The following CFAP221 variants were observed in gnomAD, a reference collection of about 807,000 sequenced individuals.
The protein encoded by CFAP221 is cilia- and flagella-associated protein 221.
Under a neutral mutation model 113.1 loss-of-function variants are expected in CFAP221, and 97 were observed. The observed-to-expected ratio is 0.86, with a 90% CI of 0.73 to 1.02. CFAP221 has a LOEUF of 1.02. CFAP221 is among the 50% of genes least tolerant of loss of function. The pLI is 0.00. For missense variants in CFAP221, 1,025 were observed against 1,013.4 expected (o/e 1.01, Z -0.16); for synonymous variants, 331 against 354.4 (o/e 0.93, Z 0.74).
intron 7 of CFAP221, among the ~76,000 whole-genome samples, chr2:119,597,600 G>A (rs1450795255): frequency 6.6e-6 from 1 of 152,098 alleles, no homozygotes; most frequent in Non-Finnish European, 1.5e-5. Context: ...TTTGAACAAG[G>A]AATTGGACAA....
intron 21 of CFAP221, among the ~76,000 whole-genome samples, chr2:119,640,538 G>A (rs933669466): frequency 1.3e-5 from 2 of 152,198 alleles, no homozygotes; most frequent in African/African-American, 4.8e-5. Flanking sequence ...TGACTCCTGA[G>A]CCCTTGAATT....
chr2:119,627,828 A>T, intron 16 of CFAP221, 42 bp downstream of exon 16: 2 of 1,609,686 alleles, frequency 1.2e-6, no homozygotes, highest in Non-Finnish European at 8.5e-7. Flanking sequence ...GGACATGATC[A>T]TGATCGTGTT....
chr2:119,568,398 G>A (rs1316012020), intron 6 of CFAP221, among the ~76,000 whole-genome samples: 3 of 152,026 alleles, frequency 2.0e-5, no homozygotes, highest in Admixed American at 1.3e-4. Flanking sequence ...AGGTAAATGT[G>A]TGCCATGGTG....
intron 2 of CFAP221, 126 bp downstream of exon 2, chr2:119,546,396 T>G: frequency 9.0e-7 from 1 of 1,116,086 alleles, no homozygotes; most frequent in Non-Finnish European, 1.2e-6. Context: ...ATACTAATTT[T>G]TATTACTAAG....
chr2:119,599,143 G>A (rs962442105), intron 7 of CFAP221, among the ~76,000 whole-genome samples: 5 of 152,176 alleles, frequency 3.3e-5, no homozygotes, highest in African/African-American at 7.2e-5. Context: ...GGGTATCATT[G>A]AAAGAGTTTG....
At chr2:119,586,811 C>A in intron 6 of CFAP221, 1 of 222,670 alleles carries the variant, frequency 4.5e-6, no homozygotes, top group East Asian at 1.0e-4. Context: ...TATGGATACC[C>A]AGCACAATCG....
In CFAP221 at chr2:119,562,089, C is replaced by G. The variant is rs1681285937; in HGVS notation, c.502C>G (p.Leu168Val). 4.6e-6 allele frequency: 7 copies of G among 1,534,468 alleles called. No homozygotes were observed. The highest frequency in any genetic ancestry group is 5.2e-6 in the Non-Finnish European group (6 of 1,145,798). ...NSLDFPSFINLSNVLLGESKT... is the reference protein window; with the variant it reads ...NSLDFPSFINVSNVLLGESKT... ...ACTAGACTTTCCTTCATTTATAAATCTGTCAAATGTTCTACTTGGTGAAAG... is the reference window on the plus strand; with the variant it reads ...ACTAGACTTTCCTTCATTTATAAATGTGTCAAATGTTCTACTTGGTGAAAG... Residue 168 changes from leucine (L) to valine (V), a missense_variant, in exon 6 of 24, where the codon CTG becomes GTG. By Grantham distance (32) the Leu-to-Val change is conservative. Coordinates refer to ENST00000413369, the MANE Select transcript of CFAP221 (RefSeq NM_001271049.2).
intron 14 of CFAP221, among the ~76,000 whole-genome samples, chr2:119,620,253 A>G (rs910413291): frequency 5.9e-5 from 9 of 152,038 alleles, no homozygotes; most frequent in Non-Finnish European, 4.4e-5. Flanking sequence ...CCACAAAGAT[A>G]CTCCTCGAGA....
intron 14 of CFAP221, among the ~76,000 whole-genome samples, chr2:119,616,473 T>A (rs1685534023): frequency 6.6e-6 from 1 of 152,210 alleles, no homozygotes. Flanking sequence ...GCATCCAGGC[T>A]TAATGCATGC....
intron 6 of CFAP221, among the ~76,000 whole-genome samples, chr2:119,579,742 T>G (rs1184954271): frequency 1.3e-5 from 2 of 152,252 alleles, no homozygotes; most frequent in African/African-American, 4.8e-5. Flanking sequence ...TCTATGGGAC[T>G]TATCAGAGCT....
At position 119,549,072 on chromosome 2, in the gene CFAP221, A is replaced by G; in HGVS notation, c.140-13A>G. On this transcript the variant is annotated splice_polypyrimidine_tract_variant and intron_variant, in intron 2 of 23. Coordinates refer to ENST00000413369, the MANE Select transcript of CFAP221 (RefSeq NM_001271049.2). ...GATGTCTCATGATGTGCTTATCTAC[A>G]TTGTTTTTATAGAGGTTTATGCAAA... 1.3e-6 allele frequency: 2 copies of G among 1,484,498 alleles called. No homozygotes were observed. The highest frequency in any genetic ancestry group is 1.8e-6 in the Non-Finnish European group (2 of 1,113,714). The allele number at this position is 1,484,498 out of a possible 1,614,324, so 92.0% of individuals were successfully genotyped here.
chr2:119,638,462 AG>A, intron 20 of CFAP221, 45 bp downstream of exon 20: 2 of 1,606,240 alleles, frequency 1.2e-6, no homozygotes, highest in Non-Finnish European at 1.7e-6. Context: ...CCTGGGCTGC[AG>A]GGAGGGGCAG....
At chr2:119,565,080 T>C (rs927801361) in intron 6 of CFAP221, among the ~76,000 whole-genome samples, 2 of 152,208 alleles carry the variant, frequency 1.3e-5, no homozygotes, top group Non-Finnish European at 2.9e-5. Context: ...TTGGTGACTT[T>C]TACATTCTTA....
At chr2:119,585,367 A>G (rs933824141) in intron 6 of CFAP221, among the ~76,000 whole-genome samples, 2 of 152,202 alleles carry the variant, frequency 1.3e-5, no homozygotes. Flanking sequence ...TAAATTAGAG[A>G]CATGCCATGT....
Position 119,546,088 on chromosome 2 carries a change from A to G in CFAP221, c.-44A>G. On this transcript the variant is annotated 5_prime_UTR_variant, in exon 2 of 24. The change abolishes an upstream ATG in the 5' untranslated region. Transcript: ENST00000413369. ...ACTGCTGCTCTTTCCTCCCCAGGAC[A>G]TGACCTTTGGCTCTAAAAAGAAGAC... The G allele has an allele frequency of 3.3e-6, 5 of 1,506,366 alleles. No individual in the cohort carries two copies. Among genetic ancestry groups the G allele is most frequent in the Non-Finnish European group, 4.4e-6 (5 of 1,137,510 alleles). The allele number at this position is 1,506,366 out of a possible 1,614,324, so 93.3% of individuals were successfully genotyped here.
intron 22 of CFAP221, among the ~76,000 whole-genome samples, chr2:119,647,347 G>A (rs1224197271): frequency 6.6e-6 from 1 of 152,170 alleles, no homozygotes; most frequent in African/African-American, 2.4e-5. Flanking sequence ...ATGGACTTGG[G>A]TTAGTATGTG....
At position 119,605,126 on chromosome 2, in the gene CFAP221, C is replaced by T. The variant is rs550127561; in HGVS notation, c.1025-55C>T. ...GCCATTAGAAATGTGTTTTTCTCTCCGCACATGATTTTAATCTGATTACTG... is the reference window on the plus strand; with the variant it reads ...GCCATTAGAAATGTGTTTTTCTCTCTGCACATGATTTTAATCTGATTACTG... On this transcript the variant is annotated intron_variant, in intron 10 of 23. Transcript: ENST00000413369. 4.5e-5 allele frequency: 69 copies of T among 1,521,470 alleles called. 1 individual carries two copies. Among genetic ancestry groups the T allele is most frequent in the Admixed American group, 2.6e-4 (15 of 58,448 alleles). The allele number at this position is 1,521,470 out of a possible 1,614,324, so 94.2% of individuals were successfully genotyped here.
intron 2 of CFAP221, among the ~76,000 whole-genome samples, chr2:119,547,690 GCCTTAACC>G (rs900850439): frequency 2.0e-5 from 3 of 152,108 alleles, no homozygotes; most frequent in African/African-American, 7.2e-5. Context: ...TACCACACCA[GCCTTAACC>G]CATTGTAGCT....
intron 6 of CFAP221, chr2:119,580,031 T>C (rs1174929680): frequency 1.3e-5 from 2 of 152,190 alleles, no homozygotes; most frequent in African/African-American, 4.8e-5. Context: ...CTGCTTAGGT[T>C]CTGAGGGTCA....
Sources: gnomAD v4.1 joint callset for allele counts (sites outside exome capture counted in the v4.1 genomes callset) on GRCh38, gnomAD v4.1.1 for gene constraint, MANE v1.5 for transcripts, NCBI Gene and HGNC (gene_info 2026-07-23, HGNC 2026-07-21) for gene names.